The following TRAM2 variants were observed in gnomAD, a reference collection of about 807,000 sequenced individuals.
TRAM2 encodes the protein translocation associated membrane protein 2, also known as translocating chain-associated membrane protein 2.
Under a neutral mutation model 51.0 loss-of-function variants are expected in TRAM2, and 12 were observed. The ratio of observed to expected loss-of-function variants is 0.24; its 90% confidence interval spans 0.15 to 0.38. TRAM2 has a LOEUF of 0.38. TRAM2 is among the 10% of genes least tolerant of loss of function. The pLI is 1.00. For synonymous variants in TRAM2, 175 were observed against 179.4 expected (o/e 0.98, Z 0.20); for missense variants, 361 against 462.0 (o/e 0.78, Z 2.00).
At chr6:52,549,236 TCCTTCCCTCCTTCCCTC>T (rs200859258) in intron 1 of TRAM2, among the ~76,000 whole-genome samples, 5,832 of 150,050 alleles carry the variant, frequency 0.039, 156 homozygotes, top group Middle Eastern at 0.11. Flanking sequence ...TTCCTTCCCT[TCCTTCCCTCCTTCCCTC>T]CCTTCCCTCC....
chr6:52,507,172 G>C (rs1216591554), intron 7 of TRAM2, among the ~76,000 whole-genome samples: 1 of 152,154 alleles, frequency 6.6e-6, no homozygotes, highest in Non-Finnish European at 1.5e-5. Context: ...TGTTTGCATT[G>C]GACACTGTGA....
intron 2 of TRAM2, among the ~76,000 whole-genome samples, chr6:52,532,271 C>T (rs1766905506): frequency 6.6e-6 from 1 of 152,154 alleles, no homozygotes; most frequent in Admixed American, 6.6e-5. Flanking sequence ...TTTTTGGTCT[C>T]CAGGATAATT....
At chr6:52,521,564 G>A (rs1432447689) in intron 2 of TRAM2, among the ~76,000 whole-genome samples, 1 of 151,854 alleles carries the variant, frequency 6.6e-6, no homozygotes, top group Non-Finnish European at 1.5e-5. Context: ...GGGCGTGGTG[G>A]CGGGCACCTG....
intron 1 of TRAM2, among the ~76,000 whole-genome samples, chr6:52,547,400 C>T (rs1767223936): frequency 6.6e-6 from 1 of 152,190 alleles, no homozygotes; most frequent in East Asian, 1.9e-4. Flanking sequence ...TTCCCCAAGA[C>T]CCCTGCTGCT....
intron 1 of TRAM2, 72 bp from the exon 2 acceptor site, chr6:52,535,918 C>A: frequency 1.5e-6 from 2 of 1,341,664 alleles, no homozygotes; most frequent in Non-Finnish European, 2.1e-6. Flanking sequence ...AAGCTGCTAA[C>A]CGCCCCTTTT....
At chr6:52,562,367 T>C (rs1358511983) in intron 1 of TRAM2, among the ~76,000 whole-genome samples, 2 of 152,176 alleles carry the variant, frequency 1.3e-5, no homozygotes, top group Middle Eastern at 3.2e-3. Context: ...GAGGAACAGC[T>C]GGCCAAGTGA....
At chr6:52,576,135 T>C (rs1429150620) in intron 1 of TRAM2, among the ~76,000 whole-genome samples, 1 of 152,114 alleles carries the variant, frequency 6.6e-6, no homozygotes, top group Non-Finnish European at 1.5e-5. Context: ...AAGCTCTGGG[T>C]CGCCGCAGAT....
intron 8 of TRAM2, 30 bp from the exon 9 acceptor site, chr6:52,505,772 G>A (rs1423291329): frequency 1.0e-5 from 16 of 1,580,272 alleles, no homozygotes; most frequent in Non-Finnish European, 1.3e-5. Flanking sequence ...AGGGATGTCA[G>A]TCTTTAGCGC....
chr6:52,540,121 A>G (rs1476808567), intron 1 of TRAM2, among the ~76,000 whole-genome samples: 1 of 151,874 alleles, frequency 6.6e-6, no homozygotes, highest in East Asian at 1.9e-4. Flanking sequence ...TTGCTCCCAC[A>G]TTACCATATC....
At chr6:52,527,256 C>T (rs6458843) in intron 2 of TRAM2, among the ~76,000 whole-genome samples, 120,897 of 151,300 alleles carry the variant, frequency 0.8, 49,218 homozygotes, top group African/African-American at 0.94. Flanking sequence ...CGGGCGCCTG[C>T]AGTCCTTGCT....
intron 1 of TRAM2, among the ~76,000 whole-genome samples, chr6:52,574,358 A>G (rs969818161): frequency 7.2e-5 from 11 of 152,198 alleles, no homozygotes; most frequent in Non-Finnish European, 1.5e-4. Flanking sequence ...ACCCCCAGGA[A>G]TACTTATCTC....
chr6:52,576,464 G>C (rs1230908319), intron 1 of TRAM2, among the ~76,000 whole-genome samples: 1 of 152,234 alleles, frequency 6.6e-6, no homozygotes, highest in South Asian at 2.1e-4. Flanking sequence ...GCCAGAAAGG[G>C]AACCCCACGC....
At chr6:52,528,917 G>C (rs1289939177) in intron 2 of TRAM2, among the ~76,000 whole-genome samples, 1 of 139,826 alleles carries the variant, frequency 7.2e-6, no homozygotes, top group Non-Finnish European at 1.5e-5. Flanking sequence ...TTGAGACCGA[G>C]TCTCGCTCTG....
chr6:52,531,506 T>C (rs1241773022), intron 2 of TRAM2, among the ~76,000 whole-genome samples: 1 of 152,220 alleles, frequency 6.6e-6, no homozygotes, highest in African/African-American at 2.4e-5. Context: ...TACCCAGGCC[T>C]GTTCTGGGCC....
intron 1 of TRAM2, among the ~76,000 whole-genome samples, chr6:52,542,113 CGG>C (rs1767094749): frequency 6.6e-6 from 1 of 152,056 alleles, no homozygotes; most frequent in Non-Finnish European, 1.5e-5. Context: ...TCTCCCAGCT[CGG>C]CCTGTTTTTG....
chr6:52,575,671 C>T (rs1581707180), intron 1 of TRAM2, among the ~76,000 whole-genome samples: 1 of 152,252 alleles, frequency 6.6e-6, no homozygotes, highest in Middle Eastern at 3.4e-3. Flanking sequence ...CCAGGCAAGC[C>T]ATCCTCCATC....
At chr6:52,574,495 A>G (rs1295987350) in intron 1 of TRAM2, among the ~76,000 whole-genome samples, 1 of 152,202 alleles carries the variant, frequency 6.6e-6, no homozygotes, top group East Asian at 1.9e-4. Flanking sequence ...AGAAGCACAG[A>G]CTGATGATCT....
At position 52,502,756 on chromosome 6, in the gene TRAM2, T is replaced by C. The variant is rs1455911490; in HGVS notation, c.*441A>G. On this transcript the variant is annotated 3_prime_UTR_variant, in exon 11 of 11. Transcript: ENST00000182527. ...CCCCAGGCTTCTGACCGGCAGGCCC[T>C]GGGGGACCGAAGGACAGGACTGCAA... is the stretch of plus-strand genomic sequence containing the variant. 5.6e-6 allele frequency: 1 copy of C among 179,604 alleles called. No homozygotes were observed. The highest frequency in any genetic ancestry group is 1.2e-5 in the Non-Finnish European group (1 of 85,152). The allele number at this position is 179,604 out of a possible 1,614,324, so 11.1% of individuals were successfully genotyped here.
intron 2 of TRAM2, chr6:52,529,729 G>A (rs1292776242): frequency 1.3e-5 from 2 of 152,228 alleles, no homozygotes; most frequent in African/African-American, 2.4e-5. Flanking sequence ...TCAGCGTTAA[G>A]TGTTTCACCC....
Sources: allele counts gnomAD v4.1 joint callset (sites outside exome capture counted in the v4.1 genomes callset), GRCh38; gene constraint gnomAD v4.1.1; transcripts MANE v1.5; gene names NCBI Gene and HGNC (gene_info 2026-07-23, HGNC 2026-07-21).